The following MOK variants were observed in gnomAD, a reference collection of about 807,000 sequenced individuals.
MOK encodes the protein MAPK/MAK/MRK overlapping kinase.
A neutral mutation model predicts 54.2 loss-of-function variants in MOK; 59 were observed. The observed-to-expected ratio is 1.09, with a 90% CI of 0.88 to 1.35. The LOEUF (loss-of-function observed/expected upper bound fraction) is 1.35, where lower values mean the gene tolerates loss of function less well. Ranked by LOEUF, MOK falls within the 40% of genes most tolerant of loss-of-function variation. MOK has a pLI of 0.00. For synonymous variants in MOK, 210 were observed against 202.7 expected, an observed-to-expected ratio of 1.04 and a Z score of -0.31; for missense variants, 517 against 526.2, an observed-to-expected ratio of 0.98 and a Z score of 0.17.
At chr14:102,271,263 G>C (rs890630430) in intron 2 of MOK, among the ~76,000 whole-genome samples, 3 of 152,146 alleles carry the variant, frequency 2.0e-5, no homozygotes, top group Non-Finnish European at 4.4e-5. Context: ...ATTTGGCATA[G>C]TTCTGGTTTT....
At chr14:102,221,782 A>G (rs996997410), downstream of MOK, among the ~76,000 whole-genome samples, 3 of 152,146 alleles carry the variant, frequency 2.0e-5, no homozygotes, top group African/African-American at 7.2e-5. The surrounding 1 kb of genome is among the most constrained non-coding windows in gnomAD (Gnocchi z 4.8). Context: ...CACAAGTCCA[A>G]TATGTGAGAA....
chr14:102,245,912 C>G lies in MOK; in HGVS notation c.590+4900G>C, dbSNP rs942456746. The G allele has an allele frequency of 1.3e-5, 2 of 153,060 alleles. No homozygotes were observed. Among genetic ancestry groups the G allele is most frequent in the South Asian group, 2.1e-4 (1 of 4,834 alleles). 9.5% of individuals were successfully genotyped at this position (153,060 alleles called of 1,614,324 possible). ...TATTCCAGCACACTCCTTGGGCCAA[C>G]CTGACTCCGCCTCACATCCATCCCA... On this transcript the variant is annotated intron_variant, in intron 7 of 11. Transcript: ENST00000361847. The surrounding 1 kb of genome is among the most constrained non-coding windows in gnomAD (Gnocchi z 4.3).
chr14:102,272,859 A>G lies in MOK; in HGVS notation c.123-6947T>C, dbSNP rs115687702. Among the ~76,000 whole-genome samples the G allele has an allele frequency of 4.6e-3, 705 of 152,260 alleles. 6 individuals are homozygous for G. The highest frequency in any genetic ancestry group is 0.016 in the African/African-American group (654 of 41,550). ...ATTCAATATTGTACTGGAAATCTGA[A>G]CTAATGGGAAAGGCTAGAAAAAAAG... On this transcript the variant is annotated intron_variant, in intron 2 of 11. Transcript: ENST00000361847.
In MOK at chr14:102,287,820, A is replaced by AT. The variant is rs71116893; in HGVS notation, c.8-4229dup. 1.0e-2 allele frequency among the ~76,000 whole-genome samples: 1,177 copies of AT among 117,866 alleles called. 13 individuals carry two copies. The highest frequency in any genetic ancestry group is 0.029 in the East Asian group (126 of 4,360). The allele number at this position is 117,866 out of a possible 152,430, so 77.3% of individuals were successfully genotyped here. A position where few individuals can be genotyped will look rare whatever the true frequency, so the allele number is the denominator to read the frequency against. On this transcript the variant is annotated intron_variant, in intron 1 of 11. Transcript: ENST00000361847. Reference sequence around the variant, plus strand: ...AAAACAGTTTAGCCAGTTCTTTGAGATTTTTTTTTTTTTTTTTTTTTTTGA... The same window carrying AT: ...AAAACAGTTTAGCCAGTTCTTTGAGATTTTTTTTTTTTTTTTTTTTTTTTGA...
chr14:102,269,705 T>C (rs991234564), intron 2 of MOK, among the ~76,000 whole-genome samples: 3 of 152,026 alleles, frequency 2.0e-5, no homozygotes, highest in African/African-American at 7.2e-5. Context: ...ACTCCTGATC[T>C]CAAGTGATCC....
chr14:102,302,517 G>A (rs1001262738), intron 1 of MOK, among the ~76,000 whole-genome samples: 27 of 151,600 alleles, frequency 1.8e-4, no homozygotes, highest in African/African-American at 6.3e-4. Context: ...CCAGGTCCAC[G>A]CCATTCTCCT....
intron 2 of MOK, among the ~76,000 whole-genome samples, chr14:102,278,345 G>A (rs944480109): frequency 1.0e-4 from 15 of 146,824 alleles, no homozygotes; most frequent in Admixed American, 9.6e-4. Context: ...TGTTCATTTT[G>A]TATATGCTTG....
the MOK span, chr14:102,214,728 C>G: frequency 1.0e-6 from 1 of 980,172 alleles, no homozygotes; most frequent in Non-Finnish European, 1.2e-6. Context: ...CATCCAATTT[C>G]TTGACAACTT....
At chr14:102,298,774 C>G (rs933693016) in intron 1 of MOK, among the ~76,000 whole-genome samples, 2 of 152,178 alleles carry the variant, frequency 1.3e-5, no homozygotes, top group Non-Finnish European at 2.9e-5. Context: ...ATAAATCTTG[C>G]TGCTACTCAC....
At chr14:102,300,410 G>A (rs566105942) in intron 1 of MOK, among the ~76,000 whole-genome samples, 28 of 151,170 alleles carry the variant, frequency 1.9e-4, no homozygotes, top group Admixed American at 7.2e-4. Flanking sequence ...TTAGCTGGGC[G>A]AGGAGGCACA....
At chr14:102,298,011 G>A (rs565666133) in intron 1 of MOK, among the ~76,000 whole-genome samples, 104 of 152,302 alleles carry the variant, frequency 6.8e-4, no homozygotes, top group South Asian at 2.9e-3. Context: ...CCTCCCCGAG[G>A]AGCACCGCCC....
At chr14:102,253,658 C>T (rs1281763546) in intron 4 of MOK, among the ~76,000 whole-genome samples, 3 of 152,208 alleles carry the variant, frequency 2.0e-5, no homozygotes, top group Non-Finnish European at 4.4e-5. Context: ...CCTTGGTGCC[C>T]GCAGCTTTCT....
intron 2 of MOK, chr14:102,280,925 C>T (rs1312613186): frequency 6.6e-6 from 1 of 152,268 alleles, no homozygotes; most frequent in African/African-American, 2.4e-5. Context: ...GAGGCTGGAC[C>T]CAGGACTGTA....
chr14:102,225,224 G>A (rs2064196604), downstream of MOK: 1 of 178,944 alleles, frequency 5.6e-6, no homozygotes, highest in Non-Finnish European at 1.2e-5. Flanking sequence ...CCATACCTGG[G>A]TAATTTTTTG....
intron 2 of MOK, among the ~76,000 whole-genome samples, chr14:102,277,712 T>C (rs1434125364): frequency 6.6e-6 from 1 of 151,496 alleles, no homozygotes; most frequent in Non-Finnish European, 1.5e-5. Flanking sequence ...CAAGAGCACA[T>C]ACTAGTGATT....
intron 7 of MOK, among the ~76,000 whole-genome samples, chr14:102,248,704 G>T (rs2066289368): frequency 6.6e-6 from 1 of 151,108 alleles, no homozygotes; most frequent in Non-Finnish European, 1.5e-5. Flanking sequence ...TGTGAACCTG[G>T]GAGGCGGAGC....
chr14:102,276,965 A>G (rs1375538479), intron 2 of MOK, among the ~76,000 whole-genome samples: 1 of 150,314 alleles, frequency 6.7e-6, no homozygotes, highest in Non-Finnish European at 1.5e-5. Context: ...CTCCCATCAC[A>G]GCCTCTCAAG....
chr14:102,218,210 G>A, the MOK span, among the ~76,000 whole-genome samples: 2 of 152,234 alleles, frequency 1.3e-5, no homozygotes, highest in Admixed American at 1.3e-4. Flanking sequence ...GGTGACCTTG[G>A]GGGTTGAATG....
At chr14:102,267,340 TG>T (rs1246071588) in intron 2 of MOK, among the ~76,000 whole-genome samples, 1 of 152,068 alleles carries the variant, frequency 6.6e-6, no homozygotes, top group Non-Finnish European at 1.5e-5. Context: ...CCAAGGCAGG[TG>T]GATCACCTGA....
Sources: gnomAD v4.1 joint callset for allele counts (sites outside exome capture counted in the v4.1 genomes callset) on GRCh38, gnomAD v4.1.1 for gene constraint, Gnocchi (gnomAD v3.1) non-coding constraint, MANE v1.5 for transcripts, NCBI Gene and HGNC (gene_info 2026-07-23, HGNC 2026-07-21) for gene names.